PARP10: variants seen among roughly 807,000 people sequenced by gnomAD.
The protein encoded by PARP10 is protein mono-ADP-ribosyltransferase PARP10.
A neutral mutation model predicts 82.4 loss-of-function variants in PARP10; 56 were observed. That is an observed-to-expected ratio of 0.68 (90% confidence interval 0.55 to 0.85). PARP10 has a LOEUF of 0.85. PARP10 is among the 40% of genes least tolerant of loss of function. The pLI is 0.00. For missense variants in PARP10, 1,227 were observed against 1,379.4 expected (o/e 0.89, Z 1.75); for synonymous variants, 576 against 601.1 (o/e 0.96, Z 0.61).
At position 143,983,357 on chromosome 8, in the gene PARP10, G is replaced by A; in HGVS notation, c.2232C>T (p.Arg744=). The A allele has an allele frequency of 6.2e-7, 1 of 1,607,550 alleles. No individual in the cohort carries two copies. ...GAGCACGCAGCTCTGCAGGCAGTGT[G>A]CGGCGCCAGGGCCCCACCGTCTCCT... is the stretch of plus-strand genomic sequence containing the variant. ...VQEETVGPWR[R]TLPAELRARL... Residue 744 remains arginine (R), a synonymous_variant, in exon 8 of 11, where the codon CGC becomes CGT. Coordinates refer to ENST00000313028, the MANE Select transcript of PARP10 (RefSeq NM_032789.5).
rs57117824 is a variant in PARP10, at chr8:144,001,873, CGTGT to C, written c.-80+10653_-80+10656del. ...CAAGATCCATCTTTAAATATATATA[CGTGT>C]GTGTGTGTGTGTGTGTGTGTGTGTG... On this transcript the variant is annotated intron_variant, in intron 1 of 3. Coordinates refer to the PARP10 transcript ENST00000530478. Among the ~76,000 whole-genome samples the C allele has an allele frequency of 4.3e-3, 588 of 136,454 alleles. 9 individuals are homozygous for C. The East Asian group carries it at 0.045, about 10-fold the overall frequency. 89.5% of individuals were successfully genotyped at this position (136,454 alleles called of 152,430 possible). A position where few individuals can be genotyped will look rare whatever the true frequency, so the allele number is the denominator to read the frequency against.
At chr8:144,001,577 G>A (rs116809537) in intron 1 of PARP10, among the ~76,000 whole-genome samples, 4,831 of 151,962 alleles carry the variant, frequency 0.032, 270 homozygotes, top group African/African-American at 0.11. Context: ...GTGATGGCTC[G>A]CTCTTGTAAT....
intron 1 of PARP10, among the ~76,000 whole-genome samples, chr8:143,996,952 G>A (rs1169359021): frequency 6.6e-6 from 1 of 152,128 alleles, no homozygotes; most frequent in Non-Finnish European, 1.5e-5. Context: ...TGGTGATGGT[G>A]CAGGCAGGGA....
At chr8:144,004,228 T>C (rs1834220679) in intron 1 of PARP10, among the ~76,000 whole-genome samples, 1 of 152,080 alleles carries the variant, frequency 6.6e-6, no homozygotes, top group Non-Finnish European at 1.5e-5. Context: ...GTAGGATCAC[T>C]TGAGCCCAGG....
intron 1 of PARP10, among the ~76,000 whole-genome samples, chr8:144,003,175 C>A (rs1190860690): frequency 6.6e-6 from 1 of 152,116 alleles, no homozygotes; most frequent in Non-Finnish European, 1.5e-5. Context: ...GTAATTCCAG[C>A]ACTTTGGGAG....
chr8:143,984,996 T>C lies in PARP10; in HGVS notation c.1006A>G (p.Arg336Gly), dbSNP rs374726664. ...CCCAGAGACCCCATGGGACCTGTCC[T>C]CAGAGAGGTCCCTGACTGCCCTGGT... is the stretch of plus-strand genomic sequence containing the variant. Reference protein sequence around the residue: ...QEPGQSGTSLRTGPMGSLGQA... With the variant: ...QEPGQSGTSLGTGPMGSLGQA... The change falls in exon 5 of 11, where the codon AGG (arginine) becomes GGG (glycine). Residue 336 changes from arginine to glycine, a missense_variant. Physicochemically the swap from Arg to Gly is moderately radical, Grantham distance 125 (BLOSUM62 -2). Transcript: ENST00000313028. The C allele has an allele frequency of 4.3e-6, 7 of 1,613,952 alleles. No individual in the cohort carries two copies. The highest frequency in any genetic ancestry group is 1.6e-4 in the Middle Eastern group (1 of 6,062).
At chr8:143,989,919 A>G (rs1834060819), upstream of PARP10, 1 of 152,202 alleles carries the variant, frequency 6.6e-6, no homozygotes, top group Non-Finnish European at 1.5e-5. The surrounding 1 kb of genome is among the most constrained non-coding windows in gnomAD (Gnocchi z 4.3). Context: ...CCCTCGGCAG[A>G]CAGTGAGAGG....
chr8:143,990,708 G>A (rs1834076056), upstream of PARP10: 1 of 152,166 alleles, frequency 6.6e-6, no homozygotes, highest in Non-Finnish European at 1.5e-5. The surrounding 1 kb of genome is among the most constrained non-coding windows in gnomAD (Gnocchi z 5.6). Flanking sequence ...GGGGGGCTCG[G>A]GCCTTTGTTG....
upstream of PARP10, chr8:143,986,668 G>T: frequency 1.8e-6 from 1 of 551,004 alleles, no homozygotes; most frequent in Non-Finnish European, 3.3e-6. Flanking sequence ...TGGTTGGCAG[G>T]GTAGACAGGA....
chr8:144,010,594 G>A (rs1208591314), intron 1 of PARP10, among the ~76,000 whole-genome samples: 1 of 152,134 alleles, frequency 6.6e-6, no homozygotes, highest in Non-Finnish European at 1.5e-5. Context: ...AAGTTCTTCT[G>A]CCAGGCACAG....
intron 9 of PARP10, among the ~76,000 whole-genome samples, chr8:143,982,292 AC>A (rs1293484298): frequency 3.3e-5 from 5 of 151,750 alleles, no homozygotes; most frequent in African/African-American, 1.2e-4. Context: ...ACATGGTGAA[AC>A]CCCGTCTCCA....
chr8:143,984,517 G>A (rs1488538239), intron 5 of PARP10, 27 bp downstream of exon 5: 2 of 1,594,906 alleles, frequency 1.3e-6, no homozygotes, highest in African/African-American at 2.7e-5. Context: ...GGGGGCTGAA[G>A]GTGAGGAGTC....
intron 9 of PARP10, among the ~76,000 whole-genome samples, chr8:143,982,468 C>T (rs146913442): frequency 0.01 from 1,524 of 151,992 alleles, 90 homozygotes; most frequent in Admixed American, 0.093. Flanking sequence ...AGCGAGATGC[C>T]GTCTCAAAAA....
intron 1 of PARP10, among the ~76,000 whole-genome samples, chr8:144,006,624 C>G (rs542984091): frequency 1.3e-5 from 2 of 152,130 alleles, no homozygotes; most frequent in Non-Finnish European, 2.9e-5. Context: ...ATGTTTGTGT[C>G]CCCCCTCAAA....
At chr8:143,979,802 G>T (rs1387547602) in intron 9 of PARP10, among the ~76,000 whole-genome samples, 2 of 152,094 alleles carry the variant, frequency 1.3e-5, no homozygotes, top group Non-Finnish European at 2.9e-5. Flanking sequence ...GAGGTGGGCG[G>T]ATCACGAGGT....
intron 9 of PARP10, among the ~76,000 whole-genome samples, chr8:143,979,828 A>G (rs932803898): frequency 1.3e-5 from 2 of 151,862 alleles, no homozygotes; most frequent in Admixed American, 6.6e-5. Context: ...GATCGAGACC[A>G]TGGTGAAACC....
chr8:143,986,831 C>G (rs1834000005), upstream of PARP10: 1 of 194,196 alleles, frequency 5.1e-6, no homozygotes, highest in Non-Finnish European at 1.1e-5. Context: ...ACACAAAGTG[C>G]TGGGTCTCCA....
chr8:144,012,365 G>A, intron 1 of PARP10: 1 of 648,666 alleles, frequency 1.5e-6, no homozygotes, highest in Admixed American at 2.7e-5. Flanking sequence ...AAGGAAGAGG[G>A]CACAGCCTCT....
chr8:143,977,494 G>A lies in PARP10; in HGVS notation c.3068C>T (p.Pro1023Leu). 1 of 1,549,146 alleles carries A rather than the reference G, an allele frequency of 6.5e-7. No homozygotes were observed. Among genetic ancestry groups the A allele is most frequent in the South Asian group, 1.2e-5 (1 of 83,808 alleles). Residue 1023 changes from proline (P) to leucine (L), a missense_variant, in exon 11 of 11, where the codon CCA (proline) becomes CTA (leucine). Pro to Leu is a moderately conservative substitution (Grantham distance 98). Coordinates refer to ENST00000313028, the MANE Select transcript of PARP10 (RefSeq NM_032789.5). ...DDPSGLPGRS[P>L]DT ...GGGTGGCCCCTTCGGTTAAGTGTCT[G>A]GGGAGCGGCCCGGGAGCCCAGAGGG...
Sources: gnomAD v4.1 joint callset for allele counts (sites outside exome capture counted in the v4.1 genomes callset) on GRCh38, gnomAD v4.1.1 for gene constraint, Gnocchi (gnomAD v3.1) non-coding constraint, MANE v1.5 for transcripts, NCBI Gene and HGNC (gene_info 2026-07-23, HGNC 2026-07-21) for gene names.